TUB: variants seen among roughly 807,000 people sequenced by gnomAD.
TUB encodes TUB bipartite transcription factor.
In TUB, 33 loss-of-function variants were observed where a neutral mutation model predicts 59.7. The observed-to-expected ratio is 0.55, with a 90% CI of 0.42 to 0.74. The LOEUF is 0.74. Ranked by LOEUF, TUB falls within the 30% of genes least tolerant of loss-of-function variation. The pLI, the probability that TUB is intolerant of heterozygous loss-of-function variation, is 0.00. For synonymous variants in TUB, 293 were observed against 256.4 expected, an observed-to-expected ratio of 1.14 and a Z score of -1.36; for missense variants, 659 against 672.0, an observed-to-expected ratio of 0.98 and a Z score of 0.21.
chr11:8,097,434 G>A lies in TUB; in HGVS notation c.885+9G>A. The A allele has an allele frequency of 2.5e-6, 4 of 1,614,218 alleles. No homozygotes were observed. The highest frequency in any genetic ancestry group is 3.4e-6 in the Non-Finnish European group (4 of 1,180,038). ...GTGAGGATGGGAAGAAGGTAAGGTTGGTCTGGGCATGTTATCATCTAGGCT... is the reference window on the plus strand; with the variant it reads ...GTGAGGATGGGAAGAAGGTAAGGTTAGTCTGGGCATGTTATCATCTAGGCT... On this transcript the variant is annotated intron_variant, in intron 7 of 11. Transcript: ENST00000299506.
At chr11:8,023,816 T>C (rs1304918991) in intron 1 of TUB, among the ~76,000 whole-genome samples, 12 of 152,116 alleles carry the variant, frequency 7.9e-5, no homozygotes, top group South Asian at 2.1e-4. Context: ...TATCATGAAG[T>C]CCATTTTTTT....
upstream of TUB, among the ~76,000 whole-genome samples, chr11:8,080,667 C>G (rs1431566793): frequency 6.6e-6 from 1 of 152,172 alleles, no homozygotes; most frequent in South Asian, 2.1e-4. Flanking sequence ...TGCAATAGAC[C>G]GTAAATGTTC....
intron 1 of TUB, among the ~76,000 whole-genome samples, chr11:8,086,760 C>T (rs1283993467): frequency 6.6e-6 from 1 of 152,160 alleles, no homozygotes; most frequent in African/African-American, 2.4e-5. Context: ...GCTGTGCATG[C>T]TCCTTTCCTT....
chr11:8,039,426 C>G (rs1466693035), intron 1 of TUB: 1 of 463,252 alleles, frequency 2.2e-6, no homozygotes. Flanking sequence ...CTGCCCTCAT[C>G]TGGACTGCCT....
chr11:8,097,623 A>G (rs1470500898), intron 7 of TUB, 91 bp from the exon 8 acceptor site: 2 of 1,337,958 alleles, frequency 1.5e-6, no homozygotes, highest in Non-Finnish European at 2.1e-6. Context: ...TTGGGAGCTG[A>G]CGCAACGGAG....
At chr11:8,088,220 A>G (rs936083621) in intron 1 of TUB, among the ~76,000 whole-genome samples, 1 of 152,194 alleles carries the variant, frequency 6.6e-6, no homozygotes, top group Non-Finnish European at 1.5e-5. Context: ...AAAAACATGC[A>G]TAGTCCTCAT....
At chr11:8,093,335 G>A (rs1331447210) in intron 3 of TUB, among the ~76,000 whole-genome samples, 1 of 152,162 alleles carries the variant, frequency 6.6e-6, no homozygotes, top group East Asian at 1.9e-4. Flanking sequence ...GACCAGCCTG[G>A]TGTGGCTGCA....
chr11:8,036,265 T>C (rs1942644877), upstream of TUB, among the ~76,000 whole-genome samples: 1 of 152,084 alleles, frequency 6.6e-6, no homozygotes, highest in Non-Finnish European at 1.5e-5. Flanking sequence ...TTCCACTCTG[T>C]AATCTCCCTT....
At chr11:8,099,834 C>T (rs1284431127) in intron 9 of TUB, among the ~76,000 whole-genome samples, 1 of 152,114 alleles carries the variant, frequency 6.6e-6, no homozygotes, top group Non-Finnish European at 1.5e-5. Context: ...GTCTAGGGGA[C>T]ACAGTGAGGA....
At chr11:8,099,597 T>C (rs1944164329) in intron 9 of TUB, among the ~76,000 whole-genome samples, 1 of 152,184 alleles carries the variant, frequency 6.6e-6, no homozygotes, top group African/African-American at 2.4e-5. Context: ...TGAACAGACA[T>C]AAATGTATAC....
chr11:8,019,562 C>T (rs1942387722), intron 1 of TUB, among the ~76,000 whole-genome samples: 1 of 152,114 alleles, frequency 6.6e-6, no homozygotes. Flanking sequence ...CCCACACCCA[C>T]GGGGCAGAGC....
At chr11:8,091,835 G>A (rs1321404189) in intron 3 of TUB, among the ~76,000 whole-genome samples, 1 of 152,188 alleles carries the variant, frequency 6.6e-6, no homozygotes, top group Non-Finnish European at 1.5e-5. Context: ...GCCATCCCAA[G>A]GGTGGTAGTG....
intron 2 of TUB, among the ~76,000 whole-genome samples, chr11:8,046,944 A>G (rs1942843909): frequency 6.6e-6 from 1 of 152,198 alleles, no homozygotes; most frequent in African/African-American, 2.4e-5. Context: ...AATTTTCATA[A>G]TATTTTAAGA....
chr11:8,047,982 C>T (rs1197520740), intron 2 of TUB, among the ~76,000 whole-genome samples: 1 of 151,946 alleles, frequency 6.6e-6, no homozygotes, highest in East Asian at 1.9e-4. Flanking sequence ...CCTTCACTGT[C>T]ATTTGATTAC....
At chr11:8,093,975 G>A in intron 3 of TUB, 71 bp from the exon 4 acceptor site, 5 of 1,591,710 alleles carry the variant, frequency 3.1e-6, no homozygotes, top group South Asian at 1.1e-5. Flanking sequence ...TGGGGACTGT[G>A]TTCAGGTGGG....
Position 8,100,655 on chromosome 11 carries a change from A to G in TUB, c.1215+54A>G, listed in dbSNP as rs552152149. ...TCCCCATCATCCTAGTCTCTGCATGAGCTTCTAAGGGCAGAACTCCAGCTG... is the reference window on the plus strand; with the variant it reads ...TCCCCATCATCCTAGTCTCTGCATGGGCTTCTAAGGGCAGAACTCCAGCTG... On this transcript the variant is annotated intron_variant, in intron 10 of 11. Transcript: ENST00000299506. The G allele has an allele frequency of 7.2e-5, 114 of 1,577,898 alleles. No individual in the cohort carries two copies. In the East Asian group the frequency reaches 1.4e-3, roughly 19 times the overall value.
At chr11:8,043,110 T>C (rs958164429) in intron 2 of TUB, among the ~76,000 whole-genome samples, 2 of 152,194 alleles carry the variant, frequency 1.3e-5, no homozygotes, top group Non-Finnish European at 2.9e-5. Flanking sequence ...AATTTTGTTA[T>C]TGGTGTGAGG....
intron 1 of TUB, among the ~76,000 whole-genome samples, chr11:8,032,196 C>T (rs1171721456): frequency 6.6e-6 from 1 of 151,972 alleles, no homozygotes; most frequent in Non-Finnish European, 1.5e-5. Flanking sequence ...GGCCAAGCTT[C>T]TCCCCACCCT....
At position 8,100,886 on chromosome 11, in the gene TUB, C is replaced by T; in HGVS notation, c.1276C>T (p.Gln426Ter). The T allele has an allele frequency of 6.2e-7, 1 of 1,614,154 alleles. No homozygotes were observed. Among genetic ancestry groups the T allele is most frequent in the Non-Finnish European group, 8.5e-7 (1 of 1,180,026 alleles). Residue 426 changes from glutamine to a stop codon, truncating the protein, a stop_gained, in exon 11 of 12, where the codon CAA becomes TAA. Coordinates refer to ENST00000299506, the MANE Select transcript of TUB (RefSeq NM_177972.3). LOFTEE classifies it high-confidence loss of function. ...NKNTESIIEL[Q>*]NKTPVWNDDT... Reference sequence around the variant, plus strand: ...GAACACGGAGAGTATCATCGAGCTGCAAAACAAGACACCTGTCTGGAATGA... The same window carrying T: ...GAACACGGAGAGTATCATCGAGCTGTAAAACAAGACACCTGTCTGGAATGA...
Sources: gnomAD v4.1 joint callset for allele counts (sites outside exome capture counted in the v4.1 genomes callset) on GRCh38, gnomAD v4.1.1 for gene constraint, MANE v1.5 for transcripts, NCBI Gene and HGNC (gene_info 2026-07-23, HGNC 2026-07-21) for gene names.